AHI1: variants seen among roughly 807,000 people sequenced by gnomAD.
AHI1 encodes Abelson helper integration site 1.
AHI1 carries 123 observed loss-of-function variants against 149.3 expected under a neutral mutation model. The observed-to-expected ratio is 0.82, with a 90% CI of 0.71 to 0.96. The LOEUF (loss-of-function observed/expected upper bound fraction) is 0.96, where lower values mean the gene tolerates loss of function less well. Ranked by LOEUF, AHI1 falls within the 40% of genes least tolerant of loss-of-function variation. AHI1 has a pLI of 0.00. For missense variants in AHI1, 1,439 were observed against 1,422.7 expected, an observed-to-expected ratio of 1.01 and a Z score of -0.18; for synonymous variants, 475 against 459.8, an observed-to-expected ratio of 1.03 and a Z score of -0.42.
intron 28 of AHI1, 84 bp downstream of exon 28, chr6:135,290,339 T>G (rs1782181975): frequency 1.2e-6 from 1 of 857,030 alleles, no homozygotes; most frequent in Non-Finnish European, 2.0e-6. Flanking sequence ...TGCCTCTCTC[T>G]GGTATTTGTC....
At chr6:135,304,929 G>T (rs1029813643) in intron 26 of AHI1, 1 of 152,052 alleles carries the variant, frequency 6.6e-6, no homozygotes, top group Non-Finnish European at 1.5e-5. Context: ...ATCTTTGAGG[G>T]GTAAGACCTA....
chr6:135,336,911 C>A (rs1369606938), intron 24 of AHI1, among the ~76,000 whole-genome samples: 2 of 152,146 alleles, frequency 1.3e-5, no homozygotes, highest in Non-Finnish European at 1.5e-5. Context: ...CATATACACA[C>A]ACACATACAC....
intron 22 of AHI1, among the ~76,000 whole-genome samples, chr6:135,400,074 A>G (rs1357507614): frequency 6.6e-6 from 1 of 152,084 alleles, no homozygotes; most frequent in East Asian, 1.9e-4. Flanking sequence ...AGTAGACCTC[A>G]GTGTCTGTTG....
At chr6:135,411,960 T>C (rs1394953831) in intron 20 of AHI1, among the ~76,000 whole-genome samples, 4 of 152,212 alleles carry the variant, frequency 2.6e-5, no homozygotes, top group Non-Finnish European at 5.9e-5. Context: ...TATCATAATG[T>C]AAATACAATT....
chr6:135,287,071 A>G (rs749718318), intron 28 of AHI1, among the ~76,000 whole-genome samples: 14 of 152,192 alleles, frequency 9.2e-5, no homozygotes, highest in Non-Finnish European at 1.8e-4. Flanking sequence ...AGGCAAAACA[A>G]AGTGAGAGGA....
At chr6:135,446,057 A>G (rs562141177) in intron 13 of AHI1, among the ~76,000 whole-genome samples, 35 of 151,544 alleles carry the variant, frequency 2.3e-4, no homozygotes, top group Non-Finnish European at 4.6e-4. Context: ...CTCCGTCTCA[A>G]AAAAAAAACA....
At chr6:135,454,356 C>T (rs770142855) in intron 10 of AHI1, among the ~76,000 whole-genome samples, 1 of 151,892 alleles carries the variant, frequency 6.6e-6, no homozygotes, top group South Asian at 2.1e-4. Context: ...ACATGAATAC[C>T]GTAATGTTAA....
chr6:135,363,728 C>A (rs1794330760), intron 23 of AHI1, among the ~76,000 whole-genome samples: 1 of 144,770 alleles, frequency 6.9e-6, no homozygotes, highest in African/African-American at 2.6e-5. Flanking sequence ...GGCAGAGGCG[C>A]CCCTCACTTC....
At chr6:135,353,397 T>C (rs1792458264) in intron 24 of AHI1, among the ~76,000 whole-genome samples, 1 of 152,166 alleles carries the variant, frequency 6.6e-6, no homozygotes, top group African/African-American at 2.4e-5. Flanking sequence ...GTTTACATAC[T>C]ATGAATTCTT....
intron 14 of AHI1, among the ~76,000 whole-genome samples, chr6:135,439,333 G>C (rs751016727): frequency 6.6e-6 from 1 of 152,216 alleles, no homozygotes; most frequent in Non-Finnish European, 1.5e-5. Context: ...TCTCCAGCAT[G>C]TGAATTATCC....
Position 135,323,199 on chromosome 6 carries a change from C to T in AHI1, c.3291G>A (p.Gln1097=), listed in dbSNP as rs756637497. 11 of 1,613,488 alleles carry T rather than the reference C, an allele frequency of 6.8e-6. No individual in the cohort carries two copies. Among genetic ancestry groups the T allele is most frequent in the Non-Finnish European group, 9.3e-6 (11 of 1,179,596 alleles). ...CATGATTAGCTGGAAAATAACCTTC[C>T]TGTCCCTTTCCTATGCTGCCATACC... is the stretch of plus-strand genomic sequence containing the variant. ...DWWYGSIGKG[Q]EGYFPANHVA... is the part of the protein sequence containing the mutation. The change falls in exon 25 of 29, where the codon CAG becomes CAA. Residue 1097 remains glutamine (Q), a synonymous_variant. Coordinates refer to ENST00000265602, the MANE Select transcript of AHI1 (RefSeq NM_001134831.2).
intron 5 of AHI1, among the ~76,000 whole-genome samples, chr6:135,482,401 T>A (rs1227403194): frequency 2.0e-5 from 3 of 152,110 alleles, no homozygotes; most frequent in Non-Finnish European, 4.4e-5. Context: ...AACAACCAGT[T>A]TACAAAATTC....
chr6:135,325,960 C>T (rs1174346957), intron 24 of AHI1, among the ~76,000 whole-genome samples: 1 of 152,162 alleles, frequency 6.6e-6, no homozygotes, highest in African/African-American at 2.4e-5. Flanking sequence ...CTGAATTTTA[C>T]ACACAGGGGT....
chr6:135,441,059 A>T (rs989370039), intron 14 of AHI1, among the ~76,000 whole-genome samples: 4 of 152,088 alleles, frequency 2.6e-5, no homozygotes, highest in Admixed American at 2.0e-4. Flanking sequence ...TCCAAGATCT[A>T]AAGAAAACTA....
At chr6:135,364,873 G>A (rs1773910451) in intron 23 of AHI1, among the ~76,000 whole-genome samples, 1 of 151,870 alleles carries the variant, frequency 6.6e-6, no homozygotes, top group Non-Finnish European at 1.5e-5. Context: ...GCATCAGAGG[G>A]AGACCGTGGA....
At chr6:135,427,142 T>C (rs989765368) in intron 20 of AHI1, 25 bp downstream of exon 20, 1 of 1,601,436 alleles carries the variant, frequency 6.2e-7, no homozygotes, top group Admixed American at 1.7e-5. Flanking sequence ...CTAAAAATTC[T>C]TTACTTATCA....
At chr6:135,373,482 ATACT>A (rs1775372609) in intron 23 of AHI1, among the ~76,000 whole-genome samples, 2 of 152,332 alleles carry the variant, frequency 1.3e-5, no homozygotes, top group South Asian at 2.1e-4. Context: ...ATGCGTGACT[ATACT>A]TAAACATTTC....
At chr6:135,494,913 A>G (rs1223414692) in intron 3 of AHI1, among the ~76,000 whole-genome samples, 2 of 152,214 alleles carry the variant, frequency 1.3e-5, no homozygotes, top group Non-Finnish European at 2.9e-5. Flanking sequence ...GGTTTTGAAG[A>G]AAGTCCACTG....
rs747817815 is a variant in AHI1, at chr6:135,457,567, T to C, written c.1078A>G (p.Met360Val). 2 of 1,613,942 alleles carry C rather than the reference T, an allele frequency of 1.2e-6. No homozygotes were observed. The highest frequency in any genetic ancestry group is 2.2e-5 in the South Asian group (2 of 91,084). ...ATTTTTACCATTGGGTGAGAAATCA[T>C]AAAATCTGACTTAAGTCTATCAGTT... ...HRTDRLKSDF[M>V]ISHPMVKIHV... is the part of the protein sequence containing the mutation. Residue 360 changes from methionine to valine, a missense_variant, in exon 9 of 29, where the codon ATG (methionine) becomes GTG (valine). Coordinates refer to ENST00000265602, the MANE Select transcript of AHI1 (RefSeq NM_001134831.2).
Sources: allele counts gnomAD v4.1 joint callset (sites outside exome capture counted in the v4.1 genomes callset), GRCh38; gene constraint gnomAD v4.1.1; transcripts MANE v1.5; gene names NCBI Gene and HGNC (gene_info 2026-07-23, HGNC 2026-07-21).